CDK18: variants seen among roughly 807,000 people sequenced by gnomAD.
CDK18 encodes the protein cyclin dependent kinase 18, also known as cyclin-dependent kinase 18.
Under a neutral mutation model 62.0 loss-of-function variants are expected in CDK18, and 52 were observed. The ratio of observed to expected loss-of-function variants is 0.84; its 90% confidence interval spans 0.67 to 1.06. The LOEUF (loss-of-function observed/expected upper bound fraction) is 1.06. Ranked by LOEUF, CDK18 falls within the 50% of genes least tolerant of loss-of-function variation. The probability of loss-of-function intolerance (pLI) is 0.00; values close to 1 mark genes in which losing one functional copy is unlikely to be tolerated. For synonymous variants in CDK18, 237 were observed against 247.0 expected, an observed-to-expected ratio of 0.96 and a Z score of 0.38; for missense variants, 604 against 619.9, an observed-to-expected ratio of 0.97 and a Z score of 0.27.
intron 1 of CDK18, among the ~76,000 whole-genome samples, chr1:205,521,350 C>T (rs1668118165): frequency 6.6e-6 from 1 of 152,206 alleles, no homozygotes; most frequent in Non-Finnish European, 1.5e-5. Context: ...TAACTGGGAT[C>T]ACAGGTGCAC....
chr1:205,531,324 A>G lies in CDK18; in HGVS notation c.1391-20A>G. On this transcript the variant is annotated intron_variant, in intron 15 of 15. Transcript: ENST00000429964. The stretch of plus-strand genomic sequence containing the variant: ...AGCCCAGCCTCCTCCCTGCAGCCCC[A>G]CCTCTTCTCCATTCTCCAGGACGAG... 2 of 1,613,532 alleles carry G rather than the reference A, an allele frequency of 1.2e-6. No individual in the cohort carries two copies. The highest frequency in any genetic ancestry group is 2.2e-5 in the South Asian group (2 of 91,042).
At position 205,530,292 on chromosome 1, in the gene CDK18, G is replaced by C; in HGVS notation, c.1255G>C (p.Ala419Pro). Residue 419 changes from alanine to proline, a missense_variant, in exon 14 of 16, where the codon GCC becomes CCC. Transcript: ENST00000429964. Reference protein sequence around the residue: ...ESKSRMSAEAALSHSYFRSLG... With the variant: ...ESKSRMSAEAPLSHSYFRSLG... ...CAAGAGTCGCATGTCAGCAGAGGCT[G>C]CCCTGAGTCACTCCTACTTCCGGTC... 1 of 1,613,274 alleles carries C rather than the reference G, an allele frequency of 6.2e-7. No individual in the cohort carries two copies. Among genetic ancestry groups the C allele is most frequent in the Non-Finnish European group, 8.5e-7 (1 of 1,180,038 alleles).
intron 1 of CDK18, among the ~76,000 whole-genome samples, chr1:205,506,915 G>A (rs1042878910): frequency 2.6e-5 from 4 of 152,240 alleles, no homozygotes; most frequent in Non-Finnish European, 5.9e-5. Context: ...CAGGTTGCCA[G>A]CCCTGCAAAC....
rs116021027 is a variant in CDK18, at chr1:205,527,965, G to C, written c.853+48G>C. 1.2e-3 allele frequency: 1,858 copies of C among 1,613,264 alleles called. 21 individuals carry two copies. In the African/African-American group the frequency reaches 0.023, roughly 20 times the overall value. ...GGTCTGACGCTACTGGGGTGCCTCA[G>C]GGTGTGGGTGCAGTGGGGGAGGGCA... On this transcript the variant is annotated intron_variant, in intron 9 of 15. Coordinates refer to ENST00000429964, the MANE Select transcript of CDK18 (RefSeq NM_212502.3). This position sits in a 1 kb window ranked among gnomAD's most constrained non-coding sequence, Gnocchi z 4.1.
At chr1:205,512,476 T>G (rs1667610708) in intron 1 of CDK18, among the ~76,000 whole-genome samples, 1 of 152,172 alleles carries the variant, frequency 6.6e-6, no homozygotes, top group Non-Finnish European at 1.5e-5. Flanking sequence ...TGAGTGACAC[T>G]GATAAAAGAC....
intron 1 of CDK18, among the ~76,000 whole-genome samples, chr1:205,511,028 C>T (rs1667543057): frequency 6.6e-6 from 1 of 152,232 alleles, no homozygotes; most frequent in Non-Finnish European, 1.5e-5. Flanking sequence ...AGAACAACTA[C>T]CTCGCAAAGA....
At chr1:205,509,258 A>AT (rs1667456142) in intron 1 of CDK18, among the ~76,000 whole-genome samples, 1 of 152,188 alleles carries the variant, frequency 6.6e-6, no homozygotes, top group Admixed American at 6.5e-5. Context: ...GACTATGATG[A>AT]GATCCTCTTT....
At chr1:205,505,021 G>C (rs983221839) in intron 1 of CDK18, 1 of 152,364 alleles carries the variant, frequency 6.6e-6, no homozygotes, top group Admixed American at 6.5e-5. Context: ...AGGGGTGGGG[G>C]GTGCCCTCGA....
intron 1 of CDK18, among the ~76,000 whole-genome samples, chr1:205,518,269 C>G (rs1667926390): frequency 6.6e-6 from 1 of 152,176 alleles, no homozygotes; most frequent in African/African-American, 2.4e-5. Flanking sequence ...CCGCACCCCC[C>G]TACCCCTGTT....
rs1199984690 is a variant in CDK18 at position 205,528,517 on chromosome 1, T to G, written c.974+349T>G. The G allele has an allele frequency of 3.9e-6, 1 of 253,220 alleles. No homozygotes were observed. The highest frequency in any genetic ancestry group is 2.2e-5 in the African/African-American group (1 of 45,172). The allele number at this position is 253,220 out of a possible 1,614,324, so 15.7% of individuals were successfully genotyped here. On this transcript the variant is annotated intron_variant, in intron 10 of 15. Coordinates refer to ENST00000429964, the MANE Select transcript of CDK18 (RefSeq NM_212502.3). The surrounding 1 kb of genome is among the most constrained non-coding windows in gnomAD (Gnocchi z 4.2). ...AAATTTTGAAAGAGAAGTACTATTT[T>G]TATGTTAAAATGAACAAGTGTATGA...
In CDK18 at chr1:205,531,268, C is replaced by T. The variant is rs374683852; in HGVS notation, c.1391-76C>T. On this transcript the variant is annotated intron_variant, in intron 15 of 15. Transcript: ENST00000429964. Reference sequence around the variant, plus strand: ...CTGTCAGAGCAGCTCTGGGGGACAGCGACTGTCCCTGCTGACCTGGGGTAC... The same window carrying T: ...CTGTCAGAGCAGCTCTGGGGGACAGTGACTGTCCCTGCTGACCTGGGGTAC... The T allele has an allele frequency of 5.8e-4, 794 of 1,358,384 alleles. 3 individuals carry two copies. The highest frequency in any genetic ancestry group is 9.1e-4 in the Middle Eastern group (5 of 5,494). The allele number at this position is 1,358,384 out of a possible 1,614,324, so 84.1% of individuals were successfully genotyped here.
chr1:205,509,761 C>T (rs1667477512), intron 1 of CDK18, among the ~76,000 whole-genome samples: 1 of 152,052 alleles, frequency 6.6e-6, no homozygotes, highest in Admixed American at 6.6e-5. Context: ...GATCAGCCCC[C>T]AAATTGGGAA....
In CDK18 at chr1:205,530,745, T is replaced by A. The variant is rs772824966; in HGVS notation, c.1390+40T>A. ...TCTCCTGGACCCCTCCCCTTGTTAGTGGAAGCCAGAGCAGGCGACCCCTCC... is the reference window on the plus strand; with the variant it reads ...TCTCCTGGACCCCTCCCCTTGTTAGAGGAAGCCAGAGCAGGCGACCCCTCC... On this transcript the variant is annotated intron_variant, in intron 15 of 15. Coordinates refer to ENST00000429964, the MANE Select transcript of CDK18 (RefSeq NM_212502.3). 3.8e-6 allele frequency: 6 copies of A among 1,567,464 alleles called. No individual in the cohort carries two copies. The African/African-American group carries it at 8.1e-5, about 21-fold the overall frequency.
chr1:205,529,545 C>T lies in CDK18; in HGVS notation c.1203C>T (p.Leu401=). Residue 401 remains leucine (L), a synonymous_variant, in exon 13 of 16, where the codon CTC becomes CTT. Coordinates refer to ENST00000429964, the MANE Select transcript of CDK18 (RefSeq NM_212502.3). ...APRLDTDGIH[L]LSSLLLYESK... is the part of the protein sequence containing the mutation. Reference sequence around the variant, plus strand: ...GGTTGGATACGGATGGCATCCACCTCCTGAGCAGCCTGCTCCTGGTGAGTG... The same window carrying T: ...GGTTGGATACGGATGGCATCCACCTTCTGAGCAGCCTGCTCCTGGTGAGTG... 1 of 1,613,010 alleles carries T rather than the reference C, an allele frequency of 6.2e-7. No individual in the cohort carries two copies.
At chr1:205,529,291 G>A (rs762534771) in intron 11 of CDK18, 33 bp from the exon 12 acceptor site, 1 of 1,571,226 alleles carries the variant, frequency 6.4e-7, no homozygotes, top group South Asian at 1.1e-5. Context: ...TGGGCCTCAC[G>A]CAGGCCCTCC....
rs12728351 is a variant in CDK18 at position 205,506,898 on chromosome 1, G to T, written c.-22+2102G>T. Among the ~76,000 whole-genome samples the T allele has an allele frequency of 5.0e-3, 758 of 152,248 alleles. 6 individuals carry two copies. Among genetic ancestry groups the T allele is most frequent in the African/African-American group, 0.017 (717 of 41,524 alleles). ...AAATAGGTTCTTGGTCTGAGATCTC[G>T]TGGGATCAGGTTGCCAGCCCTGCAA... On this transcript the variant is annotated intron_variant, in intron 1 of 15. Coordinates refer to ENST00000429964, the MANE Select transcript of CDK18 (RefSeq NM_212502.3).
intron 1 of CDK18, among the ~76,000 whole-genome samples, chr1:205,520,659 C>T (rs1016452176): frequency 4.7e-5 from 7 of 149,164 alleles, no homozygotes; most frequent in Non-Finnish European, 1.0e-4. Flanking sequence ...AAGATCACGC[C>T]ACTGCACTCC....
At chr1:205,531,321 C>T (rs1442471326) in intron 15 of CDK18, 23 bp from the exon 16 acceptor site, 2 of 1,613,662 alleles carry the variant, frequency 1.2e-6, no homozygotes, top group South Asian at 1.1e-5. Context: ...TCCCTGCAGC[C>T]CCACCTCTTC....
At chr1:205,526,909 C>A in intron 8 of CDK18, 72 bp downstream of exon 8, 1 of 1,247,682 alleles carries the variant, frequency 8.0e-7, no homozygotes, top group Non-Finnish European at 1.2e-6. Flanking sequence ...GGGACCCACT[C>A]TCACCACCAG....
Sources: allele counts gnomAD v4.1 joint callset (sites outside exome capture counted in the v4.1 genomes callset), GRCh38; gene constraint gnomAD v4.1.1; non-coding constraint Gnocchi (gnomAD v3.1); transcripts MANE v1.5; gene names NCBI Gene and HGNC (gene_info 2026-07-23, HGNC 2026-07-21).